The following MAML3 variants were observed in gnomAD, a reference collection of about 807,000 sequenced individuals.
The protein encoded by MAML3 is mastermind like transcriptional coactivator 3.
A neutral mutation model predicts 101.9 loss-of-function variants in MAML3; 27 were observed. That is an observed-to-expected ratio of 0.27 (90% confidence interval 0.20 to 0.37). The LOEUF is 0.37. Ranked by LOEUF, MAML3 falls within the 10% of genes least tolerant of loss-of-function variation. The pLI is 1.00. For synonymous variants in MAML3, 501 were observed against 555.9 expected, an observed-to-expected ratio of 0.90 and a Z score of 1.39; for missense variants, 1,316 against 1,444.9, an observed-to-expected ratio of 0.91 and a Z score of 1.45.
chr4:139,914,224 G>A (rs1031774436), intron 1 of MAML3, among the ~76,000 whole-genome samples: 17 of 152,246 alleles, frequency 1.1e-4, no homozygotes, highest in East Asian at 5.8e-4. Flanking sequence ...ATCACCCCAC[G>A]TTGCTATGTG....
intron 1 of MAML3, among the ~76,000 whole-genome samples, chr4:139,895,088 T>C (rs1732583973): frequency 6.6e-6 from 1 of 152,218 alleles, no homozygotes; most frequent in African/African-American, 2.4e-5. Context: ...AAAATGGTGG[T>C]GGCCAAGACC....
At chr4:139,934,032 T>C (rs1203557439) in intron 1 of MAML3, among the ~76,000 whole-genome samples, 1 of 152,200 alleles carries the variant, frequency 6.6e-6, no homozygotes, top group Non-Finnish European at 1.5e-5. Flanking sequence ...TGAATGTGTG[T>C]GGGACTGTGT....
In MAML3 at chr4:139,831,855, C is replaced by T. The variant is rs182852292; in HGVS notation, c.2079+57502G>A. 5.3e-5 allele frequency among the ~76,000 whole-genome samples: 8 copies of T among 150,814 alleles called. No homozygotes were observed. In the East Asian group the frequency reaches 5.9e-4, roughly 11 times the overall value. On this transcript the variant is annotated intron_variant, in intron 2 of 4. Transcript: ENST00000509479. ...TCACCCAGGCCAGAGTGCAGTGGTG[C>T]GATCTCAGCTCACTGCAACCTCCGC...
intron 1 of MAML3, among the ~76,000 whole-genome samples, chr4:139,927,523 T>C (rs933039319): frequency 6.6e-6 from 1 of 152,258 alleles, no homozygotes; most frequent in African/African-American, 2.4e-5. Flanking sequence ...ATCTTGTCTA[T>C]AACAGTTATT....
rs1458634966 is a variant in MAML3 at position 139,890,102 on chromosome 4, A to C, written c.1334T>G (p.Val445Gly). 3.7e-6 allele frequency: 6 copies of C among 1,613,660 alleles called. No homozygotes were observed. The highest frequency in any genetic ancestry group is 4.2e-6 in the Non-Finnish European group (5 of 1,179,800). Reference protein sequence around the residue: ...GNGYLLNPAAVTVAGSASGPV... With the variant: ...GNGYLLNPAAGTVAGSASGPV... ...CCCTGACGCTGAACCGGCCACTGTC[A>C]CTGCTGCCGGATTCAGGAGATAACC... is the stretch of plus-strand genomic sequence containing the variant. The change falls in exon 2 of 5, where the codon GTG becomes GGG. Residue 445 changes from valine (V) to glycine (G), a missense_variant. Coordinates refer to ENST00000509479, the MANE Select transcript of MAML3 (RefSeq NM_018717.5). This position sits in a 1 kb window ranked among gnomAD's most constrained non-coding sequence, Gnocchi z 4.1.
chr4:140,050,119 T>C (rs2110921238), intron 1 of MAML3, among the ~76,000 whole-genome samples: 2 of 152,276 alleles, frequency 1.3e-5, no homozygotes, highest in Middle Eastern at 6.8e-3. Flanking sequence ...ACAGGGCTCA[T>C]TGCCAATAAC....
chr4:140,093,593 A>T (rs556547599), intron 1 of MAML3, among the ~76,000 whole-genome samples: 14 of 149,130 alleles, frequency 9.4e-5, no homozygotes, highest in South Asian at 2.1e-4. Flanking sequence ...ATTTTTTTTA[A>T]TTTTTTTTTT....
intron 1 of MAML3, among the ~76,000 whole-genome samples, chr4:140,044,177 G>A (rs1560875796): frequency 6.6e-6 from 1 of 152,176 alleles, no homozygotes; most frequent in East Asian, 1.9e-4. Context: ...AGGGCTATGG[G>A]CCCGAGACGT....
chr4:139,868,779 G>T (rs1560819280), intron 2 of MAML3, among the ~76,000 whole-genome samples: 1 of 149,582 alleles, frequency 6.7e-6, no homozygotes, highest in Non-Finnish European at 1.5e-5. Flanking sequence ...AATAGAATGT[G>T]AAAAAAAAAT....
At chr4:139,857,488 G>C (rs1447644622) in intron 2 of MAML3, among the ~76,000 whole-genome samples, 3 of 151,746 alleles carry the variant, frequency 2.0e-5, no homozygotes, top group Non-Finnish European at 1.5e-5. Flanking sequence ...CCTATTGTTT[G>C]GCTAAAATAG....
At chr4:140,023,756 T>C (rs1302896285) in intron 1 of MAML3, among the ~76,000 whole-genome samples, 2 of 152,238 alleles carry the variant, frequency 1.3e-5, no homozygotes, top group African/African-American at 4.8e-5. Flanking sequence ...TTAGGCCACA[T>C]TCTAAGATGT....
At chr4:139,930,899 G>A (rs1040479261) in intron 1 of MAML3, among the ~76,000 whole-genome samples, 1 of 151,826 alleles carries the variant, frequency 6.6e-6, no homozygotes, top group East Asian at 1.9e-4. Flanking sequence ...CATTGCTATA[G>A]GCATTTCAAG....
At chr4:139,764,585 G>C (rs1729816376) in intron 2 of MAML3, among the ~76,000 whole-genome samples, 1 of 152,230 alleles carries the variant, frequency 6.6e-6, no homozygotes, top group Non-Finnish European at 1.5e-5. Context: ...TTGCTGTGCA[G>C]ATCTAGTGAG....
intron 1 of MAML3, among the ~76,000 whole-genome samples, chr4:140,085,953 C>T (rs1360977201): frequency 6.6e-6 from 1 of 152,132 alleles, no homozygotes; most frequent in Non-Finnish European, 1.5e-5. Flanking sequence ...TTATGCTTTC[C>T]CCTTTAACTA....
In MAML3 at chr4:140,036,620, G is replaced by A. The variant is rs1311493083; in HGVS notation, c.468+116240C>T. ...TCCTGGAGCAGAAGGCTCAGGAGAA[G>A]ATGAGAAGAACAGCTGCCTATTTTC... On this transcript the variant is annotated intron_variant, in intron 1 of 4. Coordinates refer to ENST00000509479, the MANE Select transcript of MAML3 (RefSeq NM_018717.5). Among the ~76,000 whole-genome samples, 6 of 152,018 alleles carry A rather than the reference G, an allele frequency of 3.9e-5. No homozygotes were observed. In the East Asian group the frequency reaches 1.2e-3, roughly 29 times the overall value.
At chr4:140,080,754 A>C (rs1172949622) in intron 1 of MAML3, among the ~76,000 whole-genome samples, 1 of 152,230 alleles carries the variant, frequency 6.6e-6, no homozygotes, top group Non-Finnish European at 1.5e-5. Context: ...GAAACTGATG[A>C]AAAAAGGCAG....
chr4:139,976,082 G>C (rs1386744538), intron 1 of MAML3, among the ~76,000 whole-genome samples: 1 of 152,094 alleles, frequency 6.6e-6, no homozygotes, highest in African/African-American at 2.4e-5. Flanking sequence ...TGGCTAAAAG[G>C]AAACTAAAAA....
chr4:140,098,821 T>C (rs1426519675), intron 1 of MAML3, among the ~76,000 whole-genome samples: 3 of 152,170 alleles, frequency 2.0e-5, no homozygotes, highest in Admixed American at 2.0e-4. Context: ...TTAAGAGACA[T>C]AGGTTGCTGT....
At chr4:139,955,847 A>G (rs1461635929) in intron 1 of MAML3, among the ~76,000 whole-genome samples, 3 of 152,170 alleles carry the variant, frequency 2.0e-5, no homozygotes, top group Admixed American at 1.3e-4. Flanking sequence ...AGGCTGCACC[A>G]AACATGGAGG....
Sources: gnomAD v4.1 joint callset for allele counts (sites outside exome capture counted in the v4.1 genomes callset) on GRCh38, gnomAD v4.1.1 for gene constraint, Gnocchi (gnomAD v3.1) non-coding constraint, MANE v1.5 for transcripts, NCBI Gene and HGNC (gene_info 2026-07-23, HGNC 2026-07-21) for gene names.